PREX1: variants seen among roughly 807,000 people sequenced by gnomAD.
PREX1 encodes phosphatidylinositol-3,4,5-trisphosphate dependent Rac exchange factor 1, also known as phosphatidylinositol 3,4,5-trisphosphate-dependent Rac exchanger 1 protein.
PREX1 carries 41 observed loss-of-function variants against 198.3 expected under a neutral mutation model. The ratio of observed to expected loss-of-function variants is 0.21; its 90% CI spans 0.16 to 0.27. The LOEUF (loss-of-function observed/expected upper bound fraction) is 0.27, where lower values mean the gene tolerates loss of function less well. Among genes scored for constraint, PREX1 ranks in the 10% least tolerant of loss-of-function variants. PREX1 has a pLI of 1.00. For missense variants in PREX1, 1,620 were observed against 2,200.7 expected (o/e 0.74, Z 5.28); for synonymous variants, 843 against 887.2 (o/e 0.95, Z 0.89).
At chr20:48,670,986 CAGAG>C (rs2089671624) in intron 14 of PREX1, among the ~76,000 whole-genome samples, 1 of 152,346 alleles carries the variant, frequency 6.6e-6, no homozygotes, top group East Asian at 1.9e-4. Context: ...CCGGAGCTGA[CAGAG>C]AGTGCAAGTT....
At chr20:48,804,371 G>A (rs963233226) in intron 1 of PREX1, among the ~76,000 whole-genome samples, 2 of 152,192 alleles carry the variant, frequency 1.3e-5, no homozygotes, top group Non-Finnish European at 2.9e-5. Flanking sequence ...TGGGAGGAGG[G>A]GTGACTTTCG....
rs6012504 is a variant in PREX1 at position 48,646,011 on chromosome 20, C to T, written c.3352G>A (p.Ala1118Thr). 127,013 of 1,613,962 alleles carry T rather than the reference C, an allele frequency of 0.079. 8,370 individuals carry two copies. Among genetic ancestry groups the T allele is most frequent in the African/African-American group, 0.34 (25,392 of 74,948 alleles). Reference sequence around the variant, plus strand: ...GAGGAGGCCTCCTCAGCCAAGGATGCGTCGCAGGACCCACCCGAGGTGGGC... The same window carrying T: ...GAGGAGGCCTCCTCAGCCAAGGATGTGTCGCAGGACCCACCCGAGGTGGGC... ...TEPTSGGSCD[A>T]SLAEEASSLP... The change falls in exon 26 of 40, where the codon GCA becomes ACA. Residue 1118 changes from alanine to threonine, a missense_variant. This residue lies in a region of PREX1 where 514 missense variants were observed against 611.6 expected (regional missense o/e 0.84). Coordinates refer to ENST00000371941, the MANE Select transcript of PREX1 (RefSeq NM_020820.4).
the PREX1 span, among the ~76,000 whole-genome samples, chr20:48,838,895 A>G: frequency 2.1e-5 from 3 of 145,504 alleles, no homozygotes; most frequent in East Asian, 6.4e-4. Context: ...GTGTGGTGGC[A>G]GGCGCCTGTA....
chr20:48,694,148 G>T (rs1348142149), intron 7 of PREX1, among the ~76,000 whole-genome samples: 2 of 151,990 alleles, frequency 1.3e-5, no homozygotes, highest in Non-Finnish European at 2.9e-5. Flanking sequence ...CTGACCTCAA[G>T]TTATCCACCC....
intron 1 of PREX1, among the ~76,000 whole-genome samples, chr20:48,771,531 G>A (rs930313486): frequency 6.6e-6 from 1 of 151,892 alleles, no homozygotes; most frequent in Non-Finnish European, 1.5e-5. Flanking sequence ...CAACACTTTG[G>A]GAGGCCGAGG....
intron 1 of PREX1, among the ~76,000 whole-genome samples, chr20:48,801,618 G>A (rs1439030047): frequency 6.6e-6 from 1 of 152,170 alleles, no homozygotes; most frequent in Non-Finnish European, 1.5e-5. Flanking sequence ...ACCACCCTGG[G>A]CCAGGACACC....
At chr20:48,823,259 C>T (rs2090495110) in intron 1 of PREX1, among the ~76,000 whole-genome samples, 1 of 151,896 alleles carries the variant, frequency 6.6e-6, no homozygotes, top group Non-Finnish European at 1.5e-5. Context: ...GCCTCTCTGC[C>T]CACCCACCCA....
intron 1 of PREX1, among the ~76,000 whole-genome samples, chr20:48,808,554 C>T (rs911882216): frequency 6.6e-6 from 1 of 152,176 alleles, no homozygotes; most frequent in Non-Finnish European, 1.5e-5. Flanking sequence ...TATCATCTAC[C>T]CGCACAAGTA....
intron 1 of PREX1, among the ~76,000 whole-genome samples, chr20:48,769,583 T>TCATCTCCTCCCA (rs1189606343): frequency 6.6e-6 from 1 of 152,112 alleles, no homozygotes; most frequent in Admixed American, 6.5e-5. Context: ...CCCTTCTCCC[T>TCATCTCCTCCCA]CATCTCCTCC....
intron 18 of PREX1, among the ~76,000 whole-genome samples, chr20:48,655,800 C>A (rs1048861895): frequency 6.6e-6 from 1 of 152,146 alleles, no homozygotes; most frequent in African/African-American, 2.4e-5. Flanking sequence ...CACAAGTCCC[C>A]TAGGAAGGCA....
At chr20:48,685,941 C>G (rs1423328316) in intron 10 of PREX1, among the ~76,000 whole-genome samples, 1 of 141,702 alleles carries the variant, frequency 7.1e-6, no homozygotes, top group Non-Finnish European at 1.6e-5. Flanking sequence ...ATGCAGTTCC[C>G]TAACAGTGGA....
At chr20:48,713,872 A>G (rs73150064) in intron 5 of PREX1, among the ~76,000 whole-genome samples, 10,143 of 147,762 alleles carry the variant, frequency 0.069, 422 homozygotes, top group South Asian at 0.14. Context: ...AAAAAAAAAA[A>G]AAAAGAAAAT....
In PREX1 at chr20:48,791,335, C is replaced by T. The variant is rs149627438; in HGVS notation, c.219+36307G>A. 2.1e-4 allele frequency among the ~76,000 whole-genome samples: 32 copies of T among 152,318 alleles called. No homozygotes were observed. The East Asian group carries it at 2.9e-3, about 14-fold the overall frequency. ...GGCTGACATGACTGAGCTCCTACCA[C>T]GTGCTGGACGCTGTCCTAAGTGCTG... On this transcript the variant is annotated intron_variant, in intron 1 of 39. Coordinates refer to ENST00000371941, the MANE Select transcript of PREX1 (RefSeq NM_020820.4).
Position 48,649,373 on chromosome 20 carries a change from C to A in PREX1, c.3232G>T (p.Ala1078Ser). ...LKQEDREIQD[A>S]YLQLFTKLDV... ...AGCTTGGTGAAGAGCTGCAGGTAGG[C>A]ATCCTGGATCTCACGGTCCTCCTGC... The change falls in exon 25 of 40, where the codon GCC becomes TCC. Residue 1078 changes from alanine (A) to serine (S), a missense_variant. Ala to Ser is a moderately conservative substitution (Grantham distance 99). This residue lies in a region of PREX1 where 514 missense variants were observed against 611.6 expected (regional missense o/e 0.84). Transcript: ENST00000371941. The A allele has an allele frequency of 6.2e-7, 1 of 1,614,188 alleles. No homozygotes were observed.
At chr20:48,630,651 G>A (rs2089306399) in intron 36 of PREX1, 77 bp downstream of exon 36, 1 of 1,315,632 alleles carries the variant, frequency 7.6e-7, no homozygotes, top group Non-Finnish European at 1.1e-6. Flanking sequence ...ACAACCCTGG[G>A]CCTGTCTGCT....
At chr20:48,801,021 G>A (rs1335386611) in intron 1 of PREX1, among the ~76,000 whole-genome samples, 1 of 152,154 alleles carries the variant, frequency 6.6e-6, no homozygotes, top group African/African-American at 2.4e-5. Context: ...CTTACTAGCT[G>A]GGTAACCTTT....
intron 10 of PREX1, among the ~76,000 whole-genome samples, chr20:48,687,411 A>G (rs752337724): frequency 1.3e-5 from 2 of 151,970 alleles, no homozygotes; most frequent in Non-Finnish European, 2.9e-5. Context: ...TTACTTTTCC[A>G]CCCCATCAGC....
chr20:48,705,133 G>C (rs1039638382), intron 6 of PREX1, among the ~76,000 whole-genome samples: 6 of 152,250 alleles, frequency 3.9e-5, no homozygotes, highest in African/African-American at 1.4e-4. Flanking sequence ...CCGTCCTCAA[G>C]TGACCCATGA....
At chr20:48,662,007 C>G (rs941456171) in intron 15 of PREX1, among the ~76,000 whole-genome samples, 1 of 152,242 alleles carries the variant, frequency 6.6e-6, no homozygotes, top group Non-Finnish European at 1.5e-5. Flanking sequence ...AGACATCCCC[C>G]TCGTCCCTGA....
Sources: gnomAD v4.1 joint callset for allele counts (sites outside exome capture counted in the v4.1 genomes callset) on GRCh38, gnomAD v4.1.1 for gene constraint, gnomAD v4.1.1 regional missense constraint, MANE v1.5 for transcripts, NCBI Gene and HGNC (gene_info 2026-07-23, HGNC 2026-07-21) for gene names.